C6: variants seen among roughly 807,000 people sequenced by gnomAD.
C6 encodes the protein complement component C6.
Under a neutral mutation model 112.9 loss-of-function variants are expected in C6, and 101 were observed. That is an observed-to-expected ratio of 0.89 (90% CI 0.76 to 1.06). The LOEUF (loss-of-function observed/expected upper bound fraction) is 1.06, where lower values mean the gene tolerates loss of function less well. Among genes scored for constraint, C6 ranks in the 50% least tolerant of loss-of-function variants. The pLI is 0.00. For missense variants in C6, 1,202 were observed against 1,104.6 expected, an observed-to-expected ratio of 1.09 and a Z score of -1.25; for synonymous variants, 431 against 384.1, an observed-to-expected ratio of 1.12 and a Z score of -1.43.
At chr5:41,178,466 CTTT>C (rs70988836) in intron 7 of C6, among the ~76,000 whole-genome samples, 6 of 101,590 alleles carry the variant, frequency 5.9e-5, no homozygotes, top group Admixed American at 1.2e-4. Flanking sequence ...TTTTCTTTTT[CTTT>C]TTTTTTTTTT....
chr5:41,143,761 T>C (rs889039205), intron 17 of C6, among the ~76,000 whole-genome samples: 6 of 152,196 alleles, frequency 3.9e-5, no homozygotes, highest in Non-Finnish European at 8.8e-5. Flanking sequence ...TCTTTCTTTC[T>C]AGAATATTAT....
intron 1 of C6, among the ~76,000 whole-genome samples, chr5:41,260,058 C>T (rs940777634): frequency 6.6e-5 from 10 of 152,136 alleles, no homozygotes; most frequent in African/African-American, 2.4e-4. Context: ...ACTTATTATC[C>T]AGTTATGGAT....
intron 3 of C6, among the ~76,000 whole-genome samples, chr5:41,200,238 C>T (rs1211669825): frequency 6.6e-6 from 1 of 152,104 alleles, no homozygotes; most frequent in African/African-American, 2.4e-5. Flanking sequence ...CAGTAAATTC[C>T]TCCAGGCCAT....
intron 1 of C6, among the ~76,000 whole-genome samples, chr5:41,234,982 G>C (rs558023202): frequency 1.1e-4 from 17 of 151,460 alleles, no homozygotes; most frequent in Middle Eastern, 3.5e-3. Flanking sequence ...TCACTGTGAA[G>C]ATGAGATTTG....
intron 9 of C6, among the ~76,000 whole-genome samples, chr5:41,169,243 G>T (rs931463667): frequency 1.3e-5 from 2 of 152,032 alleles, no homozygotes; most frequent in East Asian, 1.9e-4. Context: ...TGTGACTCTA[G>T]GATACTATCT....
At chr5:41,160,717 A>G (rs2150268012) in intron 10 of C6, among the ~76,000 whole-genome samples, 2 of 152,188 alleles carry the variant, frequency 1.3e-5, no homozygotes, top group Non-Finnish European at 2.9e-5. Flanking sequence ...CTCTACTGAA[A>G]CCTCATTAAA....
At chr5:41,204,987 C>T (rs530416293) in intron 1 of C6, among the ~76,000 whole-genome samples, 17 of 152,144 alleles carry the variant, frequency 1.1e-4, no homozygotes, top group African/African-American at 3.6e-4. Flanking sequence ...AAGAAAAATG[C>T]CAGAATAAAA....
At chr5:41,162,005 G>C (rs1561112431) in intron 9 of C6, 146 bp from the exon 10 acceptor site, 1 of 724,450 alleles carries the variant, frequency 1.4e-6, no homozygotes, top group African/African-American at 1.8e-5. Flanking sequence ...GAAAAAGCAA[G>C]AGAACACTCC....
At chr5:41,233,572 C>T (rs894827699) in intron 1 of C6, among the ~76,000 whole-genome samples, 1 of 152,198 alleles carries the variant, frequency 6.6e-6, no homozygotes, top group African/African-American at 2.4e-5. Flanking sequence ...CAGCTATTCT[C>T]ATTACAGCAA....
At chr5:41,168,318 A>G (rs574858287) in intron 9 of C6, among the ~76,000 whole-genome samples, 1 of 152,290 alleles carries the variant, frequency 6.6e-6, no homozygotes, top group Admixed American at 6.5e-5. Flanking sequence ...CAAAGCAAAA[A>G]TGGCCTAGTC....
At chr5:41,256,186 CATT>C (rs1335045418) in intron 1 of C6, among the ~76,000 whole-genome samples, 3 of 151,900 alleles carry the variant, frequency 2.0e-5, no homozygotes, top group African/African-American at 7.3e-5. Flanking sequence ...TCCAGTCTAT[CATT>C]GTTGGACATT....
intron 3 of C6, among the ~76,000 whole-genome samples, chr5:41,201,248 C>T (rs1296793342): frequency 6.6e-6 from 1 of 152,082 alleles, no homozygotes; most frequent in Non-Finnish European, 1.5e-5. Context: ...ATAAGGATTA[C>T]TCAATCTGTA....
Position 41,149,938 on chromosome 5 carries a change from C to T in C6, c.2378G>A (p.Cys793Tyr), listed in dbSNP as rs1295691349. 1.2e-6 allele frequency: 2 copies of T among 1,604,452 alleles called. No homozygotes were observed. Among genetic ancestry groups the T allele is most frequent in the Non-Finnish European group, 1.7e-6 (2 of 1,171,302 alleles). ...CAGTCTGTAGGGTATCTCTTACCTA[C>T]AGTCTTCTTCTGGAGACATACAAAT... The part of the protein sequence containing the change: ...ECICMSPEED[C>Y]SHHSEDLCVF... Residue 793 changes from cysteine to tyrosine, a missense_variant, in exon 16 of 18, where the codon TGT becomes TAT. By Grantham distance (194) the Cys-to-Tyr change is radical. Transcript: ENST00000337836.
Position 41,203,251 on chromosome 5 carries a change from C to G in C6, c.-20-1G>C, listed in dbSNP as rs1751176749. The stretch of plus-strand genomic sequence containing the variant: ...GCCATGCCTTGAGAGCCTCCAGGCC[C>G]TAAAATGAAAGAATACATAACACAT... On this transcript the variant is annotated splice_acceptor_variant, in intron 1 of 17. Coordinates refer to ENST00000337836, the MANE Select transcript of C6 (RefSeq NM_000065.5). LOFTEE classifies it low-confidence loss of function (5UTR_SPLICE). 1 of 1,613,682 alleles carries G rather than the reference C, an allele frequency of 6.2e-7. No individual in the cohort carries two copies. Among genetic ancestry groups the G allele is most frequent in the South Asian group, 1.1e-5 (1 of 91,072 alleles).
At chr5:41,239,982 G>A (rs1381257776) in intron 1 of C6, among the ~76,000 whole-genome samples, 1 of 152,038 alleles carries the variant, frequency 6.6e-6, no homozygotes, top group East Asian at 1.9e-4. Flanking sequence ...GTTAGTCTGT[G>A]GGGGTTCTCT....
intron 1 of C6, among the ~76,000 whole-genome samples, chr5:41,225,901 G>A (rs867668939): frequency 4.6e-5 from 7 of 152,200 alleles, no homozygotes; most frequent in Admixed American, 1.3e-4. Context: ...CTAGCCATAT[G>A]TAGAAAGCTG....
chr5:41,212,496 A>T (rs1752010010), intron 1 of C6, among the ~76,000 whole-genome samples: 2 of 152,036 alleles, frequency 1.3e-5, no homozygotes, highest in African/African-American at 4.8e-5. Flanking sequence ...ACTTCTCTGA[A>T]TTTTTTTGTT....
intron 1 of C6, among the ~76,000 whole-genome samples, chr5:41,255,997 G>A (rs1741672579): frequency 6.6e-6 from 1 of 152,168 alleles, no homozygotes; most frequent in Admixed American, 6.5e-5. Context: ...TGAGGTTGCT[G>A]TGCAGTGAGA....
Position 41,203,263 on chromosome 5 carries a change from A to T in C6, c.-20-13T>A, listed in dbSNP as rs765902007. The T allele has an allele frequency of 1.1e-5, 18 of 1,613,264 alleles. No individual in the cohort carries two copies. Among genetic ancestry groups the T allele is most frequent in the Non-Finnish European group, 1.5e-5 (18 of 1,179,436 alleles). ...GAGCCTCCAGGCCCTAAAATGAAAG[A>T]ATACATAACACATATCAAATGCTTT... On this transcript the variant is annotated splice_polypyrimidine_tract_variant and intron_variant, in intron 1 of 17. Transcript: ENST00000337836.
Sources: allele counts gnomAD v4.1 joint callset (sites outside exome capture counted in the v4.1 genomes callset), GRCh38; gene constraint gnomAD v4.1.1; transcripts MANE v1.5; gene names NCBI Gene and HGNC (gene_info 2026-07-23, HGNC 2026-07-21).